NLRC5: variants seen among roughly 807,000 people sequenced by gnomAD.
NLRC5 encodes the protein protein NLRC5.
In NLRC5, 114 loss-of-function variants were observed where a neutral mutation model predicts 206.9. The ratio of observed to expected loss-of-function variants is 0.55; its 90% CI spans 0.47 to 0.64. The LOEUF is 0.64. Among genes scored for constraint, NLRC5 ranks in the 30% least tolerant of loss-of-function variants. The pLI is 0.00. For missense variants in NLRC5, 2,008 were observed against 2,305.5 expected, an observed-to-expected ratio of 0.87 and a Z score of 2.64; for synonymous variants, 952 against 962.8, an observed-to-expected ratio of 0.99 and a Z score of 0.21.
At chr16:57,036,643 G>A (rs1051350209) in intron 14 of NLRC5, among the ~76,000 whole-genome samples, 1 of 151,852 alleles carries the variant, frequency 6.6e-6, no homozygotes, top group African/African-American at 2.4e-5. Context: ...GGTGTTGCAT[G>A]GGGTGAGGGT....
chr16:57,065,460 A>G lies in NLRC5; in HGVS notation c.4241+162A>G, dbSNP rs376693197. Among the ~76,000 whole-genome samples, 8 of 152,162 alleles carry G rather than the reference A, an allele frequency of 5.3e-5. No homozygotes were observed. In the East Asian group the frequency reaches 1.2e-3, roughly 22 times the overall value. On this transcript the variant is annotated intron_variant, in intron 33 of 48. Transcript: ENST00000688547. ...TCCTGGGGCATATGTGAGGGGCTAC[A>G]CATTTGTTGGGACTAGTGCAGTAGT...
intron 1 of NLRC5, chr16:56,991,214 C>G (rs1164170493): frequency 1.3e-5 from 2 of 152,034 alleles, no homozygotes; most frequent in Admixed American, 1.3e-4. Flanking sequence ...GGGGAAAGAT[C>G]TTGGAAGAGT....
At chr16:57,066,809 C>T (rs917907232) in intron 34 of NLRC5, among the ~76,000 whole-genome samples, 195 bp downstream of exon 34, 3 of 152,230 alleles carry the variant, frequency 2.0e-5, no homozygotes, top group African/African-American at 4.8e-5. Context: ...CTCCAGTCAC[C>T]CCCATGAACT....
At position 57,022,949 on chromosome 16, in the gene NLRC5, G is replaced by A. The variant is rs146468250; in HGVS notation, c.355+634G>A. ...TCCAAGTCCCTGGTCCAATAGGCCC[G>A]CATCACTGAGCTGGCATCATTATCT... On this transcript the variant is annotated intron_variant, in intron 4 of 48. Transcript: ENST00000688547. Among the ~76,000 whole-genome samples, 27 of 152,316 alleles carry A rather than the reference G, an allele frequency of 1.8e-4. No individual in the cohort carries two copies. The East Asian group carries it at 4.1e-3, about 23-fold the overall frequency.
intron 3 of NLRC5, among the ~76,000 whole-genome samples, chr16:57,021,783 C>T (rs2060698919): frequency 6.6e-6 from 1 of 152,202 alleles, no homozygotes; most frequent in South Asian, 2.1e-4. Flanking sequence ...TCTGTTTGCA[C>T]AGCACTGAGG....
chr16:57,074,529 G>T, intron 38 of NLRC5, 71 bp from the exon 39 acceptor site: 1 of 1,333,814 alleles, frequency 7.5e-7, no homozygotes, highest in Non-Finnish European at 1.1e-6. Context: ...TAAGCACAGA[G>T]GCCTCAGACC....
At chr16:57,078,133 G>A in intron 43 of NLRC5, 113 bp downstream of exon 43, 1 of 803,958 alleles carries the variant, frequency 1.2e-6, no homozygotes, top group African/African-American at 1.7e-5. Context: ...AGTCAAGCTT[G>A]GCATATACCC....
At chr16:57,062,651 G>A in intron 32 of NLRC5, 1 of 153,482 alleles carries the variant, frequency 6.5e-6, no homozygotes, top group South Asian at 2.0e-4. Flanking sequence ...TCATGTTTGT[G>A]CCCAAAAAAC....
At chr16:57,022,204 C>G in intron 3 of NLRC5, 52 bp from the exon 4 acceptor site, 1 of 1,532,750 alleles carries the variant, frequency 6.5e-7, no homozygotes, top group Non-Finnish European at 9.0e-7. Context: ...GAGCTGGTCC[C>G]CAGCATCCCT....
intron 1 of NLRC5, among the ~76,000 whole-genome samples, chr16:56,999,955 A>G (rs867143853): frequency 1.3e-5 from 2 of 152,156 alleles, no homozygotes; most frequent in African/African-American, 2.4e-5. Context: ...GGAGCTTCCA[A>G]AAGTGCCAGT....
chr16:57,010,189 G>A (rs2059346632), intron 1 of NLRC5, among the ~76,000 whole-genome samples: 1 of 152,140 alleles, frequency 6.6e-6, no homozygotes, highest in South Asian at 2.1e-4. Context: ...AGGCATCCAG[G>A]TGGAGTTGGG....
At chr16:57,017,585 G>A (rs954278860) in intron 2 of NLRC5, among the ~76,000 whole-genome samples, 1 of 151,998 alleles carries the variant, frequency 6.6e-6, no homozygotes. Context: ...GGATTGACTG[G>A]GATTGCTCCT....
intron 1 of NLRC5, among the ~76,000 whole-genome samples, chr16:56,992,825 C>T (rs2057068950): frequency 6.6e-6 from 1 of 151,834 alleles, no homozygotes; most frequent in Non-Finnish European, 1.5e-5. Context: ...TGGTATCTCA[C>T]TTTTAAAAAT....
intron 39 of NLRC5, among the ~76,000 whole-genome samples, chr16:57,075,684 C>T (rs1351995714): frequency 6.6e-6 from 1 of 152,136 alleles, no homozygotes; most frequent in East Asian, 1.9e-4. Flanking sequence ...CACTTACTTT[C>T]AATGTGATTT....
At chr16:57,069,715 G>T in intron 36 of NLRC5, 121 bp from the exon 37 acceptor site, 1 of 747,644 alleles carries the variant, frequency 1.3e-6, no homozygotes, top group Middle Eastern at 2.3e-4. Context: ...AAGGGAAGGA[G>T]GTCTCCTCAC....
intron 1 of NLRC5, chr16:57,003,865 G>T (rs1188920785): frequency 1.3e-5 from 2 of 152,184 alleles, no homozygotes; most frequent in African/African-American, 4.8e-5. Context: ...AGATGAGGAC[G>T]CTGAGGTACG....
chr16:56,991,196 C>T (rs1391075008), intron 1 of NLRC5: 1 of 152,060 alleles, frequency 6.6e-6, no homozygotes, highest in African/African-American at 2.4e-5. Flanking sequence ...AGAAGACAGA[C>T]AAGCAGAGGG....
chr16:56,998,059 C>T (rs2057831275), intron 1 of NLRC5, among the ~76,000 whole-genome samples: 1 of 152,084 alleles, frequency 6.6e-6, no homozygotes. Context: ...GCCGTCTAGC[C>T]CCTCCAACCT....
At chr16:57,045,513 GT>G in intron 21 of NLRC5, 21 bp downstream of exon 21, 1 of 1,612,382 alleles carries the variant, frequency 6.2e-7, no homozygotes, top group Non-Finnish European at 8.5e-7. Flanking sequence ...AACGCTCGGG[GT>G]GGGGGAGTCC....
Sources: allele counts gnomAD v4.1 joint callset (sites outside exome capture counted in the v4.1 genomes callset), GRCh38; gene constraint gnomAD v4.1.1; transcripts MANE v1.5; gene names NCBI Gene and HGNC (gene_info 2026-07-23, HGNC 2026-07-21).